Variants in LAMA3 observed in about 807,000 individuals in gnomAD.
LAMA3 encodes laminin subunit alpha-3.
LAMA3 carries 281 observed loss-of-function variants against 402.0 expected under a neutral mutation model. That is an observed-to-expected ratio of 0.70 (90% CI 0.63 to 0.77). LAMA3 has a LOEUF of 0.77. Among genes scored for constraint, LAMA3 ranks in the 30% least tolerant of loss-of-function variants. LAMA3 has a pLI of 0.00. For synonymous variants in LAMA3, 1,431 were observed against 1,558.4 expected, an observed-to-expected ratio of 0.92 and a Z score of 1.93; for missense variants, 3,840 against 4,215.5, an observed-to-expected ratio of 0.91 and a Z score of 2.47.
At position 23,861,743 on chromosome 18, in the gene LAMA3, A is replaced by T; in HGVS notation, c.4520A>T (p.Gln1507Leu). The change falls in exon 35 of 75, where the codon CAG becomes CTG. Residue 1507 changes from glutamine (Q) to leucine (L), a missense_variant. Transcript: ENST00000313654. The part of the protein sequence containing the change: ...PGSNSMVADL[Q>L]ELPATIHSAS... ...AGCAACAGTATGGTGGCGGATCTCC[A>T]GGAGCTGCCCGCAACCATCCACAGC... The T allele has an allele frequency of 6.2e-7, 1 of 1,614,024 alleles. No homozygotes were observed. The highest frequency in any genetic ancestry group is 8.5e-7 in the Non-Finnish European group (1 of 1,179,984).
rs571618279 is a variant in LAMA3, at chr18:23,942,520, T to C, written c.9027-1268T>C. Among the ~76,000 whole-genome samples, 4 of 152,204 alleles carry C rather than the reference T, an allele frequency of 2.6e-5. No individual in the cohort carries two copies. In the East Asian group the frequency reaches 7.7e-4, roughly 29 times the overall value. ...AGTTTTCATAAAAAGTAAAGCTTGC[T>C]TAGCTGGATGTGCATAGAACATGTA... On this transcript the variant is annotated intron_variant, in intron 68 of 74. Coordinates refer to ENST00000313654, the MANE Select transcript of LAMA3 (RefSeq NM_198129.4).
intron 44 of LAMA3, among the ~76,000 whole-genome samples, chr18:23,897,696 A>G (rs1194788294): frequency 2.0e-5 from 3 of 152,240 alleles, no homozygotes; most frequent in Admixed American, 6.5e-5. Context: ...CTGACAATCT[A>G]TATAATGACT....
At chr18:23,730,368 C>CTTTTT (rs11362144) in intron 2 of LAMA3, among the ~76,000 whole-genome samples, 2 of 118,652 alleles carry the variant, frequency 1.7e-5, no homozygotes, top group Non-Finnish European at 3.7e-5. Context: ...CTTTTTCTTT[C>CTTTTT]TTTTTTTTTT....
Position 23,857,835 on chromosome 18 carries a change from T to G in LAMA3, c.4137-9T>G. ...ATGATGATTTTTGCTTCCTTTACTTTGTGTACAGATGCAAGCCCAGAATCA... is the reference window on the plus strand; with the variant it reads ...ATGATGATTTTTGCTTCCTTTACTTGGTGTACAGATGCAAGCCCAGAATCA... On this transcript the variant is annotated splice_polypyrimidine_tract_variant and intron_variant, in intron 32 of 74. Transcript: ENST00000313654. 2 of 1,614,240 alleles carry G rather than the reference T, an allele frequency of 1.2e-6. No homozygotes were observed. Among genetic ancestry groups the G allele is most frequent in the Non-Finnish European group, 1.7e-6 (2 of 1,180,034 alleles).
At chr18:23,736,732 C>A (rs534373785) in intron 2 of LAMA3, among the ~76,000 whole-genome samples, 1 of 152,162 alleles carries the variant, frequency 6.6e-6, no homozygotes, top group South Asian at 2.1e-4. Flanking sequence ...ACAGGGAGCA[C>A]AGAAGGCTCC....
intron 1 of LAMA3, among the ~76,000 whole-genome samples, chr18:23,694,416 C>G (rs2060647487): frequency 6.6e-6 from 1 of 152,166 alleles, no homozygotes; most frequent in Non-Finnish European, 1.5e-5. Context: ...CTGCTTAATG[C>G]AGGGTATTGA....
chr18:23,893,062 A>G (rs2080740508), intron 42 of LAMA3, among the ~76,000 whole-genome samples: 1 of 152,050 alleles, frequency 6.6e-6, no homozygotes, highest in Non-Finnish European at 1.5e-5. Context: ...TGACTTCCCC[A>G]TATTTTCCAT....
intron 70 of LAMA3, among the ~76,000 whole-genome samples, chr18:23,947,150 G>T (rs2082736971): frequency 1.3e-5 from 2 of 152,254 alleles, no homozygotes; most frequent in Admixed American, 6.5e-5. Flanking sequence ...CTCTGATGGG[G>T]CGCTCTGATG....
chr18:23,833,425 C>T (rs2063523481), intron 23 of LAMA3, among the ~76,000 whole-genome samples: 1 of 151,990 alleles, frequency 6.6e-6, no homozygotes, highest in African/African-American at 2.4e-5. Context: ...CCCAAAGGCA[C>T]ATTTCCATTC....
At chr18:23,906,134 C>G (rs2081241752) in intron 52 of LAMA3, among the ~76,000 whole-genome samples, 1 of 151,944 alleles carries the variant, frequency 6.6e-6, no homozygotes, top group Non-Finnish European at 1.5e-5. Context: ...CTAAATATTC[C>G]CCACCTATCA....
chr18:23,742,911 A>G (rs916891140), intron 2 of LAMA3, among the ~76,000 whole-genome samples: 9 of 152,202 alleles, frequency 5.9e-5, no homozygotes, highest in African/African-American at 2.2e-4. Flanking sequence ...GTTTTCTGGC[A>G]CAGGGAGTAC....
At chr18:23,771,872 A>G (rs569695355) in intron 8 of LAMA3, among the ~76,000 whole-genome samples, 1 of 152,328 alleles carries the variant, frequency 6.6e-6, no homozygotes, top group South Asian at 2.1e-4. Context: ...CCAGGAGCAC[A>G]ACATTTTTGG....
At chr18:23,861,560 GCTTTCTGT>G (rs1048263428) in intron 34 of LAMA3, 78 bp from the exon 35 acceptor site, 76 of 1,495,812 alleles carry the variant, frequency 5.1e-5, no homozygotes, top group Non-Finnish European at 7.1e-5. Flanking sequence ...TGCCCGTGGA[GCTTTCTGT>G]AGTACATCAT....
At chr18:23,703,096 C>A (rs1341053354) in intron 1 of LAMA3, among the ~76,000 whole-genome samples, 1 of 152,190 alleles carries the variant, frequency 6.6e-6, no homozygotes, top group South Asian at 2.1e-4. Flanking sequence ...ATGTGCCAGT[C>A]GTCACTGCCT....
chr18:23,838,858 T>C lies in LAMA3; in HGVS notation c.3171T>C (p.Tyr1057=), dbSNP rs142574930. The C allele has an allele frequency of 3.8e-4, 607 of 1,606,730 alleles. 3 individuals are homozygous for C. In the East Asian group the frequency reaches 0.011, roughly 30 times the overall value. ...VRPQVHCIAS[Y]GRFVNQSATC... The stretch of plus-strand genomic sequence containing the variant: ...CACAAGTCCACTGCATTGCCAGTTA[T>C]GGGCGATTTGTCAATCAAAGGTAAT... Residue 1057 remains tyrosine, a synonymous_variant, in exon 26 of 75, where the codon TAT becomes TAC. Transcript: ENST00000313654.
At chr18:23,930,331 T>C (rs2082126207) in intron 64 of LAMA3, among the ~76,000 whole-genome samples, 1 of 152,182 alleles carries the variant, frequency 6.6e-6, no homozygotes, top group Non-Finnish European at 1.5e-5. Flanking sequence ...TTATAATGAC[T>C]GAAGAGAAGA....
intron 40 of LAMA3, among the ~76,000 whole-genome samples, chr18:23,883,614 C>T (rs574325348): frequency 6.6e-6 from 1 of 152,116 alleles, no homozygotes; most frequent in Non-Finnish European, 1.5e-5. Context: ...GAATGCTCAC[C>T]CTGCTTTGCT....
In LAMA3 at chr18:23,867,936, TAGG is replaced by T. The variant is rs1282563928; in HGVS notation, c.4767+21_4767+23del. 6 of 1,593,252 alleles carry T rather than the reference TAGG, an allele frequency of 3.8e-6. No homozygotes were observed. The African/African-American group carries it at 8.1e-5, about 21-fold the overall frequency. ...GGTCGAGGTAAAGGAAGAGCAACCA[TAGG>T]ATGGTCCTTTCTGTTTTGTGACTTA... On this transcript the variant is annotated intron_variant, in intron 37 of 74. Coordinates refer to ENST00000313654, the MANE Select transcript of LAMA3 (RefSeq NM_198129.4).
intron 12 of LAMA3, among the ~76,000 whole-genome samples, chr18:23,804,687 T>A (rs929746546): frequency 4.6e-5 from 7 of 152,162 alleles, no homozygotes; most frequent in Admixed American, 2.6e-4. Flanking sequence ...CGTGTTGAAA[T>A]CTGATCCCCA....
Sources: gnomAD v4.1 joint callset for allele counts (sites outside exome capture counted in the v4.1 genomes callset) on GRCh38, gnomAD v4.1.1 for gene constraint, MANE v1.5 for transcripts, NCBI Gene and HGNC (gene_info 2026-07-23, HGNC 2026-07-21) for gene names.